MCMBP: variants seen among roughly 807,000 people sequenced by gnomAD.
MCMBP encodes minichromosome maintenance complex binding protein.
A neutral mutation model predicts 81.3 loss-of-function variants in MCMBP; 31 were observed. That is an observed-to-expected ratio of 0.38 (90% CI 0.29 to 0.51). MCMBP has a LOEUF of 0.51. Among genes scored for constraint, MCMBP ranks in the 20% least tolerant of loss-of-function variants. The probability of loss-of-function intolerance (pLI) is 0.87; values close to 1 mark genes in which losing one functional copy is unlikely to be tolerated. For synonymous variants in MCMBP, 267 were observed against 275.9 expected (o/e 0.97, Z 0.32); for missense variants, 645 against 772.1 (o/e 0.84, Z 1.95).
At chr10:119,832,219 G>A (rs148669709) in intron 14 of MCMBP, 119 bp from the exon 15 acceptor site, 1 of 714,216 alleles carries the variant, frequency 1.4e-6, no homozygotes, top group Admixed American at 3.2e-5. Context: ...GAGGCAATAT[G>A]GGTGAAAGTA....
intron 2 of MCMBP, 77 bp downstream of exon 2, chr10:119,859,722 G>A: frequency 1.2e-6 from 1 of 837,932 alleles, no homozygotes; most frequent in Non-Finnish European, 1.9e-6. Flanking sequence ...AATTACATGT[G>A]GGTTACTTAG....
chr10:119,837,816 A>G (rs56658777), intron 12 of MCMBP, among the ~76,000 whole-genome samples: 16,545 of 152,120 alleles, frequency 0.11, 954 homozygotes, highest in South Asian at 0.17. Context: ...GATCTTTTCT[A>G]CACTTCCCTT....
intron 2 of MCMBP, among the ~76,000 whole-genome samples, 171 bp downstream of exon 2, chr10:119,859,628 A>G (rs879394953): frequency 6.6e-6 from 1 of 152,182 alleles, no homozygotes; most frequent in Non-Finnish European, 1.5e-5. Flanking sequence ...AAGTATTTAC[A>G]TGCTTAAACT....
chr10:119,857,684 T>A, intron 4 of MCMBP: 2 of 316,248 alleles, frequency 6.3e-6, no homozygotes, highest in Non-Finnish European at 1.2e-5. Flanking sequence ...TGACTTATAA[T>A]CTGGGTCTAG....
chr10:119,848,622 CA>C (rs764174370), intron 7 of MCMBP, among the ~76,000 whole-genome samples: 2 of 151,900 alleles, frequency 1.3e-5, no homozygotes, highest in East Asian at 1.9e-4. Flanking sequence ...AAAAAACAAA[CA>C]AAAAAACCCC....
rs1399795651 is a variant in MCMBP at position 119,830,073 on chromosome 10, A to G, written c.*1401T>C. 1 of 152,680 alleles carries G rather than the reference A, an allele frequency of 6.5e-6. No individual in the cohort carries two copies. Among genetic ancestry groups the G allele is most frequent in the African/African-American group, 2.4e-5 (1 of 41,468 alleles). 9.5% of individuals were successfully genotyped at this position (152,680 alleles called of 1,614,324 possible). ...CAACTCTAATATAAACATTATTTAC[A>G]TTTGTTTATAAAAATAGATTTGAGT... On this transcript the variant is annotated 3_prime_UTR_variant, in exon 16 of 16. Coordinates refer to ENST00000369077, the MANE Select transcript of MCMBP (RefSeq NM_001256378.2).
chr10:119,870,964 G>C (rs1853649640), intron 1 of MCMBP, among the ~76,000 whole-genome samples: 1 of 152,126 alleles, frequency 6.6e-6, no homozygotes, highest in Non-Finnish European at 1.5e-5. Context: ...GATGAGATGT[G>C]TCCCTTAGGA....
intron 11 of MCMBP, 63 bp from the exon 12 acceptor site, chr10:119,838,763 C>T (rs1260463279): frequency 1.4e-6 from 2 of 1,412,676 alleles, no homozygotes; most frequent in Non-Finnish European, 2.0e-6. Flanking sequence ...AAAATATGTA[C>T]TTGGAATTAA....
intron 1 of MCMBP, among the ~76,000 whole-genome samples, chr10:119,867,553 G>A (rs1853516575): frequency 6.6e-6 from 1 of 152,126 alleles, no homozygotes; most frequent in Non-Finnish European, 1.5e-5. Flanking sequence ...ACTGATCCCT[G>A]AGTGAATGGA....
intron 12 of MCMBP, among the ~76,000 whole-genome samples, chr10:119,837,513 G>A (rs1451581659): frequency 6.6e-6 from 1 of 152,136 alleles, no homozygotes; most frequent in African/African-American, 2.4e-5. Context: ...TAAACAATCT[G>A]CTTTCTTGTG....
intron 4 of MCMBP, chr10:119,858,182 T>G (rs549729516): frequency 1.3e-5 from 2 of 152,370 alleles, no homozygotes; most frequent in East Asian, 3.9e-4. Context: ...TGTAACTCGG[T>G]AATCCCAGCA....
chr10:119,840,992 C>T, intron 10 of MCMBP, 32 bp from the exon 11 acceptor site: 1 of 1,229,984 alleles, frequency 8.1e-7, no homozygotes, highest in Non-Finnish European at 1.2e-6. Context: ...CAATAAGATG[C>T]TGAAGTGACT....
rs762077073 is a variant in MCMBP, at chr10:119,849,409, C to T, written c.726+16G>A. On this transcript the variant is annotated intron_variant, in intron 7 of 15. Coordinates refer to ENST00000369077, the MANE Select transcript of MCMBP (RefSeq NM_001256378.2). Reference sequence around the variant, plus strand: ...ACATAACATTTCAGTGTTGGATCTACGAAAGGTTTTATTACCTTCACAAGG... The same window carrying T: ...ACATAACATTTCAGTGTTGGATCTATGAAAGGTTTTATTACCTTCACAAGG... 21 of 1,597,302 alleles carry T rather than the reference C, an allele frequency of 1.3e-5. No individual in the cohort carries two copies. Among genetic ancestry groups the T allele is most frequent in the South Asian group, 3.4e-5 (3 of 87,804 alleles).
At chr10:119,860,149 C>A (rs1853202406) in intron 1 of MCMBP, among the ~76,000 whole-genome samples, 1 of 152,118 alleles carries the variant, frequency 6.6e-6, no homozygotes, top group Non-Finnish European at 1.5e-5. Context: ...TCTCTAGCAC[C>A]CACAGTGTAG....
At position 119,870,215 on chromosome 10, in the gene MCMBP, G is replaced by A. The variant is rs566509531; in HGVS notation, c.58+2312C>T. On this transcript the variant is annotated intron_variant, in intron 1 of 15. Coordinates refer to ENST00000369077, the MANE Select transcript of MCMBP (RefSeq NM_001256378.2). Reference sequence around the variant, plus strand: ...TGTAATCCCAGCACTTTGAGAGGCCGAGGCGGGCGGATCACGAGGTCAAGA... The same window carrying A: ...TGTAATCCCAGCACTTTGAGAGGCCAAGGCGGGCGGATCACGAGGTCAAGA... Among the ~76,000 whole-genome samples, 4 of 152,284 alleles carry A rather than the reference G, an allele frequency of 2.6e-5. No homozygotes were observed. The East Asian group carries it at 7.7e-4, about 29-fold the overall frequency.
At chr10:119,867,676 G>A (rs957022576) in intron 1 of MCMBP, among the ~76,000 whole-genome samples, 1 of 152,208 alleles carries the variant, frequency 6.6e-6, no homozygotes, top group African/African-American at 2.4e-5. Flanking sequence ...AGTAGAGAAA[G>A]AGAAAGTGTG....
intron 8 of MCMBP, among the ~76,000 whole-genome samples, chr10:119,843,970 T>C (rs1852529190): frequency 6.6e-6 from 1 of 152,118 alleles, no homozygotes. Context: ...CCAGAAACAA[T>C]AATATTTGTT....
Position 119,858,961 on chromosome 10 carries a change from A to T in MCMBP, c.286-36T>A, listed in dbSNP as rs371161012. 3 of 1,609,064 alleles carry T rather than the reference A, an allele frequency of 1.9e-6. No homozygotes were observed. The African/African-American group carries it at 4.0e-5, about 22-fold the overall frequency. ...AAACATAGAAAAACAGAATTATATC[A>T]ATATATCTGAACCAAAACTACCACC... is the stretch of plus-strand genomic sequence containing the variant. On this transcript the variant is annotated intron_variant, in intron 3 of 15. Transcript: ENST00000369077.
chr10:119,858,397 T>C (rs1362310396), intron 4 of MCMBP, among the ~76,000 whole-genome samples: 1 of 152,162 alleles, frequency 6.6e-6, no homozygotes, highest in African/African-American at 2.4e-5. Context: ...CCTGGGTCCT[T>C]TCCACTTCTT....
Sources: gnomAD v4.1 joint callset for allele counts (sites outside exome capture counted in the v4.1 genomes callset) on GRCh38, gnomAD v4.1.1 for gene constraint, MANE v1.5 for transcripts, NCBI Gene and HGNC (gene_info 2026-07-23, HGNC 2026-07-21) for gene names.